The following ZNF516 variants were observed in gnomAD, a reference collection of about 807,000 sequenced individuals.
ZNF516 encodes the protein zinc finger protein 516.
A neutral mutation model predicts 79.7 loss-of-function variants in ZNF516; 19 were observed. The observed-to-expected ratio is 0.24, with a 90% CI of 0.17 to 0.35. The LOEUF (loss-of-function observed/expected upper bound fraction) is 0.35. Among genes scored for constraint, ZNF516 ranks in the 10% least tolerant of loss-of-function variants. ZNF516 has a pLI of 1.00. For missense variants in ZNF516, 1,678 were observed against 1,679.5 expected, an observed-to-expected ratio of 1.00 and a Z score of 0.02; for synonymous variants, 877 against 739.5, an observed-to-expected ratio of 1.19 and a Z score of -3.02.
chr18:76,471,997 ACT>A (rs1441157953), intron 1 of ZNF516, among the ~76,000 whole-genome samples: 1 of 151,802 alleles, frequency 6.6e-6, no homozygotes, highest in African/African-American at 2.4e-5. Context: ...AGTCTTACAG[ACT>A]CTAGACCTTC....
chr18:76,396,767 A>G (rs1293685002), intron 3 of ZNF516, among the ~76,000 whole-genome samples: 1 of 152,198 alleles, frequency 6.6e-6, no homozygotes, highest in African/African-American at 2.4e-5. Context: ...GTGGTTCTCC[A>G]AACTGTGGAG....
At chr18:76,373,437 G>A (rs974890338) in intron 4 of ZNF516, among the ~76,000 whole-genome samples, 10 of 152,156 alleles carry the variant, frequency 6.6e-5, no homozygotes, top group Non-Finnish European at 1.2e-4. Context: ...CCTACGAAAT[G>A]AATTTCTGAA....
Position 76,381,658 on chromosome 18 carries a change from G to A in ZNF516, c.1811-1355C>T, listed in dbSNP as rs138094652. 2.7e-3 allele frequency among the ~76,000 whole-genome samples: 406 copies of A among 152,318 alleles called. 1 individual carries two copies. Among genetic ancestry groups the A allele is most frequent in the African/African-American group, 9.3e-3 (388 of 41,572 alleles). ...GCACTTGCCCAGATCTGAGGGACAC[G>A]GTAACAAATGCTGGTTTTCAATCAG... On this transcript the variant is annotated intron_variant, in intron 3 of 6. Coordinates refer to ENST00000443185, the MANE Select transcript of ZNF516 (RefSeq NM_014643.4).
intron 2 of ZNF516, among the ~76,000 whole-genome samples, chr18:76,452,788 G>C (rs1451728193): frequency 6.6e-6 from 1 of 152,186 alleles, no homozygotes; most frequent in Non-Finnish European, 1.5e-5. Flanking sequence ...ACCTGGGGGA[G>C]GAGGGGCAGC....
At chr18:76,439,723 T>C (rs935592330) in intron 3 of ZNF516, among the ~76,000 whole-genome samples, 10 of 152,022 alleles carry the variant, frequency 6.6e-5, no homozygotes, top group African/African-American at 2.4e-4. Flanking sequence ...GCCCAAGAGC[T>C]TTTCCAAATA....
At position 76,360,646 on chromosome 18, in the gene ZNF516, A is replaced by AAAAAAATATAT. The variant is rs373540251; in HGVS notation, c.*1851_*1852insATATATTTTTT. The AAAAAAATATAT allele has an allele frequency of 5.0e-4, 36 of 72,452 alleles. No individual in the cohort carries two copies. The highest frequency in any genetic ancestry group is 7.3e-4 in the Non-Finnish European group (27 of 36,920). 4.5% of individuals were successfully genotyped at this position (72,452 alleles called of 1,614,324 possible). On this transcript the variant is annotated 3_prime_UTR_variant, in exon 7 of 7. Transcript: ENST00000443185. Reference sequence around the variant, plus strand: ...AAAAAAATAAGTAAAAAAAAAAAAAAATATATATATATATATATATATATA... The same window carrying AAAAAAATATAT: ...AAAAAAATAAGTAAAAAAAAAAAAAAAAAAAATATATATATATATATATATATATATATATA...
chr18:76,438,481 G>T (rs550795303), intron 3 of ZNF516, among the ~76,000 whole-genome samples: 1 of 152,068 alleles, frequency 6.6e-6, no homozygotes, highest in Non-Finnish European at 1.5e-5. Context: ...TCCATGCCAC[G>T]TCTCTTTCTC....
At chr18:76,411,785 CT>C (rs2075374673) in intron 3 of ZNF516, among the ~76,000 whole-genome samples, 1 of 152,178 alleles carries the variant, frequency 6.6e-6, no homozygotes, top group African/African-American at 2.4e-5. Context: ...GGGACAGTCT[CT>C]GCCAGGAGCC....
At position 76,442,441 on chromosome 18, in the gene ZNF516, C is replaced by T. The variant is rs1348832611; in HGVS notation, c.614G>A (p.Cys205Tyr). 1 of 1,606,642 alleles carries T rather than the reference C, an allele frequency of 6.2e-7. No homozygotes were observed. Among genetic ancestry groups the T allele is most frequent in the Non-Finnish European group, 8.5e-7 (1 of 1,179,670 alleles). ...CTCCTCCCGCAGCGTCGCGTAGCTG[C>T]ACAGCCTGCACTTGAACGGCTTGTG... ...QAHKPFKCRL[C>Y]SYATLREESL... Residue 205 changes from cysteine (C) to tyrosine (Y), a missense_variant, in exon 3 of 7, where the codon TGC becomes TAC. Cys to Tyr is a radical substitution (Grantham distance 194, BLOSUM62 -2). This residue lies in a region of ZNF516 where 279 missense variants were observed against 254.1 expected (regional missense o/e 1.10). Transcript: ENST00000443185.
At chr18:76,445,544 A>C (rs1911990595) in intron 2 of ZNF516, among the ~76,000 whole-genome samples, 1 of 152,206 alleles carries the variant, frequency 6.6e-6, no homozygotes, top group South Asian at 2.1e-4. Flanking sequence ...TAACTTAGTG[A>C]CTGGATGTGG....
chr18:76,367,511 C>G (rs1221336700), intron 6 of ZNF516, among the ~76,000 whole-genome samples: 1 of 152,232 alleles, frequency 6.6e-6, no homozygotes, highest in Admixed American at 6.5e-5. Flanking sequence ...TCTGCCCACC[C>G]ACTCTGGCTC....
rs770712340 is a variant in ZNF516 at position 76,441,882 on chromosome 18, C to T, written c.1173G>A (p.Pro391=). The part of the protein sequence containing the change: ...QFFLQCLNLR[P]SAAGDSCPGT... ...CAGGGCACGAGTCGCCGGCCGCCGA[C>T]GGCCTCAGGTTCAGGCACTGGAGGA... is the stretch of plus-strand genomic sequence containing the variant. Residue 391 remains proline, a synonymous_variant, in exon 3 of 7, where the codon CCG becomes CCA. Transcript: ENST00000443185. 1.9e-5 allele frequency: 30 copies of T among 1,591,430 alleles called. No homozygotes were observed. In the Admixed American group the frequency reaches 4.8e-4, roughly 26 times the overall value.
At chr18:76,435,364 A>G (rs2075717834) in intron 3 of ZNF516, among the ~76,000 whole-genome samples, 1 of 152,248 alleles carries the variant, frequency 6.6e-6, no homozygotes, top group Non-Finnish European at 1.5e-5. Context: ...CATGCATGCC[A>G]TGCATAGATT....
At chr18:76,486,329 T>C (rs888214574) in intron 1 of ZNF516, among the ~76,000 whole-genome samples, 6 of 152,108 alleles carry the variant, frequency 3.9e-5, no homozygotes, top group Admixed American at 2.6e-4. Context: ...ATAGGTTAAA[T>C]AGTACCATAT....
At chr18:76,447,451 G>T (rs9319647) in intron 2 of ZNF516, among the ~76,000 whole-genome samples, 2,555 of 152,296 alleles carry the variant, frequency 0.017, 86 homozygotes, top group African/African-American at 0.059. Context: ...TTCCGTCCTG[G>T]GCTGCTCTAT....
chr18:76,435,750 G>A (rs1055217456), intron 3 of ZNF516, among the ~76,000 whole-genome samples: 6 of 152,184 alleles, frequency 3.9e-5, no homozygotes, highest in Non-Finnish European at 8.8e-5. Context: ...TTCTCTCCAG[G>A]TAGAGCCCTG....
rs1347219107 is a variant in ZNF516 at position 76,370,541 on chromosome 18, T to C, written c.3419A>G (p.Asp1140Gly). ...RGSEVHTTSA[D>G]APKQGRDHSN... ...CATGAGACCTACTTGTTTGGGGGCG[T>C]CTGCGGAGGTGGTATGAACTTCAGA... Residue 1140 changes from aspartate (D) to glycine (G), a missense_variant, in exon 6 of 7, where the codon GAC becomes GGC. Physicochemically the swap from Asp to Gly is moderately conservative, Grantham distance 94. Coordinates refer to ENST00000443185, the MANE Select transcript of ZNF516 (RefSeq NM_014643.4). 6.2e-7 allele frequency: 1 copy of C among 1,607,412 alleles called. No homozygotes were observed.
At position 76,378,990 on chromosome 18, in the gene ZNF516, T is replaced by C. The variant is rs763939174; in HGVS notation, c.3124A>G (p.Ile1042Val). 3 of 1,613,260 alleles carry C rather than the reference T, an allele frequency of 1.9e-6. No homozygotes were observed. The highest frequency in any genetic ancestry group is 1.7e-6 in the Non-Finnish European group (2 of 1,179,728). ...VAGAPPVLHS[I>V]KQEPVAEGHE... ...CCCTCGGCCACCGGCTCCTGTTTGA[T>C]GGAGTGTAGGACGGGGGGCGCCCCA... The change falls in exon 4 of 7, where the codon ATC (isoleucine) becomes GTC (valine). Residue 1042 changes from isoleucine to valine, a missense_variant. Physicochemically the swap from Ile to Val is conservative, Grantham distance 29. Around this residue, in one of 5 missense-constraint regions of ZNF516, gnomAD observed 1,294 missense variants for 1,248.3 expected, o/e 1.04. Transcript: ENST00000443185.
intron 3 of ZNF516, among the ~76,000 whole-genome samples, chr18:76,392,664 G>C (rs1264070290): frequency 1.9e-5 from 2 of 106,276 alleles, no homozygotes; most frequent in African/African-American, 8.7e-5. Context: ...AGGTGACCAG[G>C]TGGGGGAAAG....
Sources: allele counts gnomAD v4.1 joint callset (sites outside exome capture counted in the v4.1 genomes callset), GRCh38; gene constraint gnomAD v4.1.1; regional missense constraint gnomAD v4.1.1; transcripts MANE v1.5; gene names NCBI Gene and HGNC (gene_info 2026-07-23, HGNC 2026-07-21).